The following RIT2 variants were observed in gnomAD, a reference collection of about 807,000 sequenced individuals.
RIT2 encodes Ras like without CAAX 2, also known as GTP-binding protein Rit2.
Under a neutral mutation model 23.7 loss-of-function variants are expected in RIT2, and 24 were observed. The ratio of observed to expected loss-of-function variants is 1.01; its 90% CI spans 0.73 to 1.43. The LOEUF (loss-of-function observed/expected upper bound fraction) is 1.43, where lower values mean the gene tolerates loss of function less well. Among genes scored for constraint, RIT2 ranks in the 40% most tolerant of loss-of-function variants. The probability of loss-of-function intolerance (pLI) is 0.00; values close to 1 mark genes in which losing one functional copy is unlikely to be tolerated. For synonymous variants in RIT2, 107 were observed against 91.1 expected (o/e 1.17, Z -0.99); for missense variants, 236 against 266.9 (o/e 0.88, Z 0.81).
intron 2 of RIT2, among the ~76,000 whole-genome samples, chr18:43,006,339 G>A (rs1911228658): frequency 6.6e-6 from 1 of 151,430 alleles, no homozygotes. Context: ...GAAAGAGGAG[G>A]AAGAAGAGGA....
intron 4 of RIT2, among the ~76,000 whole-genome samples, chr18:42,827,841 T>TA (rs1774324471): frequency 6.6e-6 from 1 of 151,162 alleles, no homozygotes; most frequent in South Asian, 2.1e-4. Flanking sequence ...CCGTCTCTAC[T>TA]AAAAATACAA....
intron 1 of RIT2, among the ~76,000 whole-genome samples, chr18:43,045,699 T>A (rs920134388): frequency 3.3e-5 from 5 of 152,138 alleles, no homozygotes; most frequent in Non-Finnish European, 7.4e-5. Context: ...AGGGCACAAA[T>A]AATATTTTTA....
At chr18:43,070,902 A>G (rs1200008447) in intron 1 of RIT2, among the ~76,000 whole-genome samples, 1 of 152,206 alleles carries the variant, frequency 6.6e-6, no homozygotes, top group African/African-American at 2.4e-5. Context: ...TATTTTCTGT[A>G]TACAGCCAGT....
chr18:42,913,668 G>A (rs1908830777), intron 4 of RIT2, among the ~76,000 whole-genome samples: 1 of 151,950 alleles, frequency 6.6e-6, no homozygotes, highest in Non-Finnish European at 1.5e-5. Context: ...AAACAAGTTG[G>A]GTTCATAGAA....
At chr18:43,096,434 A>G (rs954504895) in intron 1 of RIT2, among the ~76,000 whole-genome samples, 1 of 151,838 alleles carries the variant, frequency 6.6e-6, no homozygotes, top group Non-Finnish European at 1.5e-5. Flanking sequence ...GTATAATATC[A>G]CAGAAGATTA....
At chr18:43,027,054 A>G (rs1414039697) in intron 2 of RIT2, among the ~76,000 whole-genome samples, 1 of 152,118 alleles carries the variant, frequency 6.6e-6, no homozygotes, top group Non-Finnish European at 1.5e-5. Context: ...AGTGGATGAA[A>G]TCCAAGAGTG....
chr18:43,003,866 G>A (rs1911166537), intron 2 of RIT2, among the ~76,000 whole-genome samples: 1 of 150,272 alleles, frequency 6.7e-6, no homozygotes, highest in African/African-American at 2.4e-5. Context: ...GTATGGTCTA[G>A]AATAGCATGT....
intron 2 of RIT2, among the ~76,000 whole-genome samples, chr18:42,990,933 A>G (rs1367831063): frequency 1.1e-5 from 1 of 94,122 alleles, no homozygotes; most frequent in African/African-American, 3.8e-5. Flanking sequence ...TTTTTTTTTA[A>G]AGACTAACCA....
chr18:42,828,887 C>T (rs1296398763), intron 4 of RIT2, among the ~76,000 whole-genome samples: 1 of 152,192 alleles, frequency 6.6e-6, no homozygotes, highest in Non-Finnish European at 1.5e-5. Context: ...ATATTCAGGA[C>T]AGGCATAGAC....
intron 4 of RIT2, among the ~76,000 whole-genome samples, chr18:42,833,053 CAAAAAAAAAAAA>C (rs35952869): frequency 2.6e-5 from 2 of 77,894 alleles, no homozygotes; most frequent in African/African-American, 9.1e-5. Flanking sequence ...GACTTCATCT[CAAAAAAAAAAAA>C]AAAAAAAAAG....
chr18:42,878,595 GTGTA>G (rs773538416), intron 4 of RIT2, among the ~76,000 whole-genome samples: 64 of 141,242 alleles, frequency 4.5e-4, no homozygotes, highest in Non-Finnish European at 7.8e-4. Flanking sequence ...GTGTGTGTGT[GTGTA>G]TGTGTGTATA....
chr18:42,900,997 A>G (rs1246066596), intron 4 of RIT2, among the ~76,000 whole-genome samples: 2 of 151,872 alleles, frequency 1.3e-5, no homozygotes, highest in Non-Finnish European at 2.9e-5. Flanking sequence ...CTGTGCTGGC[A>G]TTTTTACTGA....
chr18:42,901,768 T>C (rs1908481901), intron 4 of RIT2, among the ~76,000 whole-genome samples: 1 of 151,974 alleles, frequency 6.6e-6, no homozygotes, highest in South Asian at 2.1e-4. Context: ...AATATACAAG[T>C]TTATTGGCGT....
chr18:42,895,350 C>CA (rs1330841033), intron 4 of RIT2, among the ~76,000 whole-genome samples: 2 of 152,258 alleles, frequency 1.3e-5, no homozygotes, highest in African/African-American at 2.4e-5. Flanking sequence ...GAACAATACA[C>CA]ATGTATTTTA....
intron 1 of RIT2, among the ~76,000 whole-genome samples, chr18:43,074,966 G>A (rs1912979247): frequency 6.6e-6 from 1 of 152,036 alleles, no homozygotes; most frequent in Non-Finnish European, 1.5e-5. Context: ...CCTAAGTGAT[G>A]GGTTGATAGA....
intron 4 of RIT2, among the ~76,000 whole-genome samples, chr18:42,827,780 C>A (rs1327576721): frequency 1.3e-5 from 2 of 151,588 alleles, no homozygotes; most frequent in African/African-American, 4.8e-5. Context: ...CCGAGGCGGG[C>A]GGATCACGAG....
chr18:42,867,373 T>C (rs957825280), intron 4 of RIT2, among the ~76,000 whole-genome samples: 3 of 152,124 alleles, frequency 2.0e-5, no homozygotes, highest in Non-Finnish European at 2.9e-5. Flanking sequence ...TCCAAGCAGA[T>C]GCAACTGGTC....
intron 4 of RIT2, among the ~76,000 whole-genome samples, chr18:42,809,256 G>A (rs970570441): frequency 6.6e-6 from 1 of 152,042 alleles, no homozygotes; most frequent in Non-Finnish European, 1.5e-5. Flanking sequence ...AAAAATAGGG[G>A]CACGGTTAAA....
intron 2 of RIT2, among the ~76,000 whole-genome samples, chr18:43,029,774 G>A (rs964256315): frequency 6.6e-6 from 1 of 151,916 alleles, no homozygotes; most frequent in African/African-American, 2.4e-5. Flanking sequence ...GAGAGCAGAG[G>A]AGTAAGATAA....
Sources: gnomAD v4.1 joint callset for allele counts (sites outside exome capture counted in the v4.1 genomes callset) on GRCh38, gnomAD v4.1.1 for gene constraint, MANE v1.5 for transcripts, NCBI Gene and HGNC (gene_info 2026-07-23, HGNC 2026-07-21) for gene names.